The following PEAK1 variants were observed in gnomAD, a reference collection of about 807,000 sequenced individuals.
PEAK1 encodes the protein inactive tyrosine-protein kinase PEAK1.
In PEAK1, 54 loss-of-function variants were observed where a neutral mutation model predicts 124.7. The observed-to-expected ratio is 0.43, with a 90% CI of 0.35 to 0.54. The LOEUF is 0.54. PEAK1 is among the 20% of genes least tolerant of loss of function. PEAK1 has a pLI of 0.01. For synonymous variants in PEAK1, 719 were observed against 760.0 expected, an observed-to-expected ratio of 0.95 and a Z score of 0.89; for missense variants, 2,046 against 2,134.5, an observed-to-expected ratio of 0.96 and a Z score of 0.82.
intron 6 of PEAK1, among the ~76,000 whole-genome samples, chr15:77,219,480 C>G (rs1450540767): frequency 6.6e-6 from 1 of 152,040 alleles, no homozygotes; most frequent in Non-Finnish European, 1.5e-5. Context: ...ATACTGTGAT[C>G]ATAAGGACTT....
chr15:77,308,348 A>T (rs1046897094), intron 2 of PEAK1, among the ~76,000 whole-genome samples: 14 of 152,076 alleles, frequency 9.2e-5, no homozygotes, highest in African/African-American at 3.4e-4. Context: ...GTCCATGCCC[A>T]TGTAGGCGTT....
intron 9 of PEAK1, among the ~76,000 whole-genome samples, chr15:77,119,913 G>A (rs1351411666): frequency 6.6e-6 from 1 of 152,200 alleles, no homozygotes; most frequent in Non-Finnish European, 1.5e-5. Flanking sequence ...AATAGCTGGG[G>A]AGAAGATAGT....
intron 2 of PEAK1, among the ~76,000 whole-genome samples, chr15:77,323,429 G>A (rs934974074): frequency 8.5e-5 from 13 of 152,300 alleles, no homozygotes; most frequent in African/African-American, 2.9e-4. Context: ...GGCAACTTCA[G>A]CAAAGTCTCA....
chr15:77,220,708 T>C (rs2059348823), intron 6 of PEAK1, among the ~76,000 whole-genome samples: 1 of 152,058 alleles, frequency 6.6e-6, no homozygotes, highest in Non-Finnish European at 1.5e-5. Context: ...AGGAAGGCAA[T>C]GATATGTTCA....
At chr15:77,206,636 T>C (rs1326241153) in intron 6 of PEAK1, among the ~76,000 whole-genome samples, 2 of 151,306 alleles carry the variant, frequency 1.3e-5, no homozygotes, top group African/African-American at 4.9e-5. Flanking sequence ...TTTTGAGAAG[T>C]GTCTGTTCAT....
chr15:77,414,863 C>T (rs1399968396), intron 1 of PEAK1, among the ~76,000 whole-genome samples: 2 of 152,332 alleles, frequency 1.3e-5, no homozygotes, highest in African/African-American at 4.8e-5. Flanking sequence ...TGGATCACCT[C>T]CTTACAGGCT....
chr15:77,157,599 T>C (rs1206801977), intron 8 of PEAK1: 1 of 152,266 alleles, frequency 6.6e-6, no homozygotes. Context: ...TGAGAGATGG[T>C]CCATCAGCCT....
chr15:77,197,079 C>G (rs1336503448), intron 6 of PEAK1, among the ~76,000 whole-genome samples: 1 of 151,540 alleles, frequency 6.6e-6, no homozygotes, highest in Non-Finnish European at 1.5e-5. Context: ...TCTCAAACTC[C>G]TGGGCTCAAG....
chr15:77,350,969 T>C (rs2067172822), intron 2 of PEAK1: 16 of 982,952 alleles, frequency 1.6e-5, no homozygotes, highest in Non-Finnish European at 1.8e-5. Context: ...CTTCATTCAA[T>C]ACACATCTAT....
chr15:77,412,603 G>A (rs1458904914), intron 1 of PEAK1, among the ~76,000 whole-genome samples: 1 of 151,986 alleles, frequency 6.6e-6, no homozygotes, highest in Non-Finnish European at 1.5e-5. Flanking sequence ...ATTGTACATG[G>A]ATACGTGGAT....
intron 2 of PEAK1, among the ~76,000 whole-genome samples, chr15:77,300,972 C>T (rs1473572952): frequency 6.6e-6 from 1 of 152,148 alleles, no homozygotes; most frequent in Non-Finnish European, 1.5e-5. Flanking sequence ...CTGTCTCAGC[C>T]TCCAGAGTAG....
intron 6 of PEAK1, among the ~76,000 whole-genome samples, chr15:77,190,122 C>T (rs2152832275): frequency 6.6e-6 from 1 of 152,224 alleles, no homozygotes; most frequent in Non-Finnish European, 1.5e-5. Context: ...TTATGTTTGG[C>T]AGGAGGCATT....
chr15:77,210,091 T>G (rs1490106581), intron 6 of PEAK1, among the ~76,000 whole-genome samples: 1 of 152,164 alleles, frequency 6.6e-6, no homozygotes, highest in Non-Finnish European at 1.5e-5. Context: ...TACCAGTTGT[T>G]ACAGAGATCA....
At chr15:77,173,626 AC>A (rs2152808643) in intron 7 of PEAK1, among the ~76,000 whole-genome samples, 1 of 152,028 alleles carries the variant, frequency 6.6e-6, no homozygotes, top group East Asian at 1.9e-4. Context: ...ACCCCACCTC[AC>A]CCAAAAGCCT....
chr15:77,348,169 T>A lies in PEAK1; in HGVS notation c.-603+16994A>T, dbSNP rs1468677252. The stretch of plus-strand genomic sequence containing the variant: ...AGGTATATGGCAATGTGTCTTCACT[T>A]AAGCCACATGCTAAGAAAAAAAAAA... On this transcript the variant is annotated intron_variant, in intron 2 of 9. Transcript: ENST00000682557. 4 of 979,270 alleles carry A rather than the reference T, an allele frequency of 4.1e-6. No individual in the cohort carries two copies. The East Asian group carries it at 4.6e-4, about 112-fold the overall frequency. The allele number at this position is 979,270 out of a possible 1,614,324, so 60.7% of individuals were successfully genotyped here.
Position 77,180,537 on chromosome 15 carries a change from C to A in PEAK1, c.1390G>T (p.Val464Phe). Residue 464 changes from valine (V) to phenylalanine (F), a missense_variant, in exon 7 of 10, where the codon GTT becomes TTT. Transcript: ENST00000682557. ...PTEEQAKPYR[V>F]VNLEQPLCKP... is the part of the protein sequence containing the mutation. Reference sequence around the variant, plus strand: ...CACAATGGCTGTTCCAGGTTCACAACTCGGTAAGGTTTTGCTTGCTCTTCT... The same window carrying A: ...CACAATGGCTGTTCCAGGTTCACAAATCGGTAAGGTTTTGCTTGCTCTTCT... The A allele has an allele frequency of 6.2e-7, 1 of 1,614,126 alleles. No individual in the cohort carries two copies. The highest frequency in any genetic ancestry group is 1.3e-5 in the African/African-American group (1 of 75,028).
intron 6 of PEAK1, among the ~76,000 whole-genome samples, chr15:77,250,616 G>T (rs2060835383): frequency 6.6e-6 from 1 of 151,788 alleles, no homozygotes; most frequent in African/African-American, 2.4e-5. Context: ...TTTATTTTTA[G>T]CAGAGATAGG....
At chr15:77,175,417 A>G (rs2056793098) in intron 7 of PEAK1, among the ~76,000 whole-genome samples, 1 of 151,646 alleles carries the variant, frequency 6.6e-6, no homozygotes, top group Admixed American at 6.6e-5. Context: ...AAAAAAACAA[A>G]CAACCCCATC....
At position 77,179,491 on chromosome 15, in the gene PEAK1, ACTCTTAGGTGTG is replaced by A. The variant is rs769417617; in HGVS notation, c.2424_2435del (p.Lys811_Pro814del). The A allele has an allele frequency of 2.7e-5, 43 of 1,613,710 alleles. No homozygotes were observed. The Admixed American group carries it at 7.0e-4, about 26-fold the overall frequency. On this transcript the variant is annotated inframe_deletion, in exon 7 of 10. Transcript: ENST00000682557. ...AGAGAGATTTGGGCCGGACTGGCGT[ACTCTTAGGTGTG>A]CTCTTAGCAACATCAGCATCTGGAG...
Sources: gnomAD v4.1 joint callset for allele counts (sites outside exome capture counted in the v4.1 genomes callset) on GRCh38, gnomAD v4.1.1 for gene constraint, MANE v1.5 for transcripts, NCBI Gene and HGNC (gene_info 2026-07-23, HGNC 2026-07-21) for gene names.